Variants in GNAI3 observed in about 807,000 individuals in gnomAD.
GNAI3 encodes guanine nucleotide-binding protein G(i) subunit alpha-3.
Under a neutral mutation model 41.8 loss-of-function variants are expected in GNAI3, and 12 were observed. The ratio of observed to expected loss-of-function variants is 0.29; its 90% CI spans 0.18 to 0.47. The LOEUF is 0.47. Ranked by LOEUF, GNAI3 falls within the 20% of genes least tolerant of loss-of-function variation. The pLI, the probability that GNAI3 is intolerant of heterozygous loss-of-function variation, is 1.00. For synonymous variants in GNAI3, 132 were observed against 146.5 expected, an observed-to-expected ratio of 0.90 and a Z score of 0.71; for missense variants, 360 against 429.6, an observed-to-expected ratio of 0.84 and a Z score of 1.43.
chr1:109,581,299 C>G (rs1648883815), intron 4 of GNAI3, among the ~76,000 whole-genome samples: 1 of 151,386 alleles, frequency 6.6e-6, no homozygotes, highest in African/African-American at 2.4e-5. Context: ...AAACCCCAGA[C>G]CTCCCCAGCT....
At chr1:109,582,306 A>G (rs1232732087) in intron 4 of GNAI3, 131 bp from the exon 5 acceptor site, 10 of 604,808 alleles carry the variant, frequency 1.7e-5, no homozygotes, top group South Asian at 7.9e-5. Context: ...TTTCTATGAT[A>G]CTGAAGATCT....
chr1:109,549,068 A>G (rs1025683595), intron 1 of GNAI3, among the ~76,000 whole-genome samples: 2 of 152,174 alleles, frequency 1.3e-5, no homozygotes, highest in African/African-American at 4.8e-5. Context: ...ACTCCGGGCT[A>G]GAATTGCGTT....
chr1:109,567,213 G>A (rs17023558), intron 1 of GNAI3, among the ~76,000 whole-genome samples: 4,812 of 152,236 alleles, frequency 0.032, 210 homozygotes, highest in African/African-American at 0.088. Flanking sequence ...TCTAAAAATA[G>A]TGCCATACTG....
chr1:109,573,962 T>C lies in GNAI3; in HGVS notation c.228T>C (p.Asn76=), dbSNP rs753397042. The change falls in exon 3 of 9, where the codon AAT becomes AAC. Residue 76 remains asparagine, a synonymous_variant. Coordinates refer to ENST00000369851, the MANE Select transcript of GNAI3 (RefSeq NM_006496.4). ...CKQYKVVVYS[N]TIQSIIAIIR... is the part of the protein sequence containing the mutation. Reference sequence around the variant, plus strand: ...AATATAAAGTAGTTGTCTACAGCAATACTATACAGTCCATCATTGCAATCA... The same window carrying C: ...AATATAAAGTAGTTGTCTACAGCAACACTATACAGTCCATCATTGCAATCA... 3.4e-5 allele frequency: 55 copies of C among 1,608,324 alleles called. No individual in the cohort carries two copies. Among genetic ancestry groups the C allele is most frequent in the Non-Finnish European group, 4.5e-5 (53 of 1,174,888 alleles).
intron 1 of GNAI3, among the ~76,000 whole-genome samples, chr1:109,569,536 G>A (rs1421882808): frequency 6.6e-6 from 1 of 152,224 alleles, no homozygotes; most frequent in Non-Finnish European, 1.5e-5. Flanking sequence ...GCAACAATGA[G>A]ATGTTATGAA....
intron 1 of GNAI3, among the ~76,000 whole-genome samples, chr1:109,571,289 G>GT (rs1384145021): frequency 1.3e-4 from 20 of 152,286 alleles, no homozygotes; most frequent in African/African-American, 4.8e-4. Flanking sequence ...CAGGTAGATG[G>GT]TTTAGATATA....
rs763597791 is a variant in GNAI3, at chr1:109,586,205, C to T, written c.591-11C>T. On this transcript the variant is annotated splice_polypyrimidine_tract_variant and intron_variant, in intron 5 of 8. Coordinates refer to ENST00000369851, the MANE Select transcript of GNAI3 (RefSeq NM_006496.4). ...GACCTTGCTGAATTTGCTTTCTTTC[C>T]CCTTGCGCAGGATGTTTGATGTAGG... The T allele has an allele frequency of 6.2e-7, 1 of 1,610,806 alleles. No individual in the cohort carries two copies. Among genetic ancestry groups the T allele is most frequent in the Non-Finnish European group, 8.5e-7 (1 of 1,178,220 alleles).
At position 109,593,566 on chromosome 1, in the gene GNAI3, CCTTTTGCCTTTGCAGAATGTG is replaced by C. The variant is rs1315785071; in HGVS notation, c.*1249_*1269del. 1 of 152,614 alleles carries C rather than the reference CCTTTTGCCTTTGCAGAATGTG, an allele frequency of 6.6e-6. No individual in the cohort carries two copies. The highest frequency in any genetic ancestry group is 2.4e-5 in the African/African-American group (1 of 41,438). The allele number at this position is 152,614 out of a possible 1,614,324, so 9.5% of individuals were successfully genotyped here. ...TTTCTGGAAATACTGTCTTCTGTTT[CCTTTTGCCTTTGCAGAATGTG>C]CTTTAGCCTTTGTCTGAGAATGGGT... On this transcript the variant is annotated 3_prime_UTR_variant, in exon 9 of 9. Coordinates refer to ENST00000369851, the MANE Select transcript of GNAI3 (RefSeq NM_006496.4).
chr1:109,562,920 A>G (rs1648355357), intron 1 of GNAI3, among the ~76,000 whole-genome samples: 1 of 152,194 alleles, frequency 6.6e-6, no homozygotes, highest in Non-Finnish European at 1.5e-5. Context: ...ATGGGTTAAA[A>G]TGAAATATTT....
intron 1 of GNAI3, among the ~76,000 whole-genome samples, chr1:109,551,938 G>C (rs542836959): frequency 4.0e-4 from 61 of 152,202 alleles, no homozygotes; most frequent in African/African-American, 1.4e-3. Context: ...GAGGCTGGTG[G>C]ATCACCTGAG....
At chr1:109,555,579 T>G (rs1384258092) in intron 1 of GNAI3, among the ~76,000 whole-genome samples, 1 of 152,176 alleles carries the variant, frequency 6.6e-6, no homozygotes, top group Non-Finnish European at 1.5e-5. Flanking sequence ...TGTAGTACAC[T>G]GATGGCCATA....
At chr1:109,591,846 T>C (rs1409151138) in intron 7 of GNAI3, among the ~76,000 whole-genome samples, 197 bp from the exon 8 acceptor site, 7 of 152,200 alleles carry the variant, frequency 4.6e-5, no homozygotes, top group Admixed American at 3.9e-4. Context: ...GTTTGATGAT[T>C]TTATTTTGTT....
chr1:109,597,932 C>T lies in GNAI3; in HGVS notation c.*5610C>T, dbSNP rs1351004347. 6.6e-6 allele frequency: 1 copy of T among 152,124 alleles called. No homozygotes were observed. The highest frequency in any genetic ancestry group is 2.4e-5 in the African/African-American group (1 of 41,420). The allele number at this position is 152,124 out of a possible 1,614,324, so 9.4% of individuals were successfully genotyped here. The stretch of plus-strand genomic sequence containing the variant: ...GGAATGATTGAGTCACATGTAAAAG[C>T]CTTTGTATGCCCAGTGCTAGTGTTT... On this transcript the variant is annotated 3_prime_UTR_variant, in exon 9 of 9. Coordinates refer to ENST00000369851, the MANE Select transcript of GNAI3 (RefSeq NM_006496.4).
At chr1:109,581,610 G>C (rs939245455) in intron 4 of GNAI3, among the ~76,000 whole-genome samples, 1 of 151,808 alleles carries the variant, frequency 6.6e-6, no homozygotes, top group African/African-American at 2.4e-5. Flanking sequence ...TTTTGTGTCC[G>C]GGCGCGGTTG....
At chr1:109,558,992 C>T (rs543507002) in intron 1 of GNAI3, among the ~76,000 whole-genome samples, 1 of 152,110 alleles carries the variant, frequency 6.6e-6, no homozygotes, top group South Asian at 2.1e-4. Flanking sequence ...GCCTGGCCAG[C>T]ATGGTGAAAC....
chr1:109,580,430 T>G (rs1225002647), intron 4 of GNAI3, among the ~76,000 whole-genome samples: 6 of 152,204 alleles, frequency 3.9e-5, no homozygotes, highest in Admixed American at 3.9e-4. Context: ...TTCCTACTTT[T>G]CACGTCATGA....
chr1:109,580,501 A>G (rs576783158), intron 4 of GNAI3, among the ~76,000 whole-genome samples: 18 of 152,348 alleles, frequency 1.2e-4, no homozygotes, highest in Admixed American at 3.9e-4. Flanking sequence ...GCATAAGGAC[A>G]GGGATACTTT....
Position 109,569,627 on chromosome 1 carries a change from T to C in GNAI3, c.119-4110T>C, listed in dbSNP as rs189112152. 5.7e-3 allele frequency among the ~76,000 whole-genome samples: 871 copies of C among 152,234 alleles called. 10 individuals are homozygous for C. Among genetic ancestry groups the C allele is most frequent in the African/African-American group, 0.02 (815 of 41,514 alleles). On this transcript the variant is annotated intron_variant, in intron 1 of 8. Transcript: ENST00000369851. ...GCCCAGACCTAATAAGAAAGGGTTATAGAAAGTGTTTCAATAATTTGGAGA... is the reference window on the plus strand; with the variant it reads ...GCCCAGACCTAATAAGAAAGGGTTACAGAAAGTGTTTCAATAATTTGGAGA...
At chr1:109,585,475 G>A (rs946073257) in intron 5 of GNAI3, among the ~76,000 whole-genome samples, 1 of 152,000 alleles carries the variant, frequency 6.6e-6, no homozygotes, top group African/African-American at 2.4e-5. Flanking sequence ...TAGTTATTGG[G>A]TTCATAGAAT....
Sources: gnomAD v4.1 joint callset for allele counts (sites outside exome capture counted in the v4.1 genomes callset) on GRCh38, gnomAD v4.1.1 for gene constraint, MANE v1.5 for transcripts, NCBI Gene and HGNC (gene_info 2026-07-23, HGNC 2026-07-21) for gene names.